PRKDC: variants seen among roughly 807,000 people sequenced by gnomAD.
PRKDC encodes the protein protein kinase, DNA-activated, catalytic subunit.
Under a neutral mutation model 486.9 loss-of-function variants are expected in PRKDC, and 82 were observed. That is an observed-to-expected ratio of 0.17 (90% CI 0.14 to 0.20). The LOEUF is 0.20. Ranked by LOEUF, PRKDC falls within the 10% of genes least tolerant of loss-of-function variation. PRKDC has a pLI of 1.00. For missense variants in PRKDC, 4,504 were observed against 5,038.2 expected, an observed-to-expected ratio of 0.89 and a Z score of 3.21; for synonymous variants, 1,895 against 1,837.0, an observed-to-expected ratio of 1.03 and a Z score of -0.81.
At position 47,849,174 on chromosome 8, in the gene PRKDC, G is replaced by A. The variant is rs764299256; in HGVS notation, c.7260C>T (p.Phe2420=). 8 of 1,613,994 alleles carry A rather than the reference G, an allele frequency of 5.0e-6. No individual in the cohort carries two copies. The highest frequency in any genetic ancestry group is 1.3e-5 in the African/African-American group (1 of 75,050). The change falls in exon 54 of 86, where the codon TTC becomes TTT. Residue 2420 remains phenylalanine (F), a synonymous_variant. Transcript: ENST00000314191. ...ELYFQLKSKD[F]VQVMRHRDDE... ...CTCACCTATGTCTCATGACTTGAAC[G>A]AAGTCCTTGCTCTTTAACTGGAAGT...
intron 85 of PRKDC, among the ~76,000 whole-genome samples, chr8:47,775,165 T>TGACA (rs1287263134): frequency 6.6e-6 from 1 of 151,366 alleles, no homozygotes; most frequent in Non-Finnish European, 1.5e-5. Flanking sequence ...CCAGCCTGGG[T>TGACA]GACAGAGCAA....
At chr8:47,875,790 T>G (rs1199278280) in intron 40 of PRKDC, among the ~76,000 whole-genome samples, 1 of 152,238 alleles carries the variant, frequency 6.6e-6, no homozygotes, top group African/African-American at 2.4e-5. Context: ...TTTCAATCTT[T>G]TAAAATTTAT....
chr8:47,780,234 T>C (rs1002813785), intron 80 of PRKDC, among the ~76,000 whole-genome samples: 5 of 152,194 alleles, frequency 3.3e-5, no homozygotes, highest in African/African-American at 4.8e-5. Context: ...TCTTTCTTTA[T>C]ATTTCCAATA....
chr8:47,914,684 C>A (rs1320849804), intron 23 of PRKDC, among the ~76,000 whole-genome samples: 1 of 151,932 alleles, frequency 6.6e-6, no homozygotes, highest in East Asian at 1.9e-4. Flanking sequence ...GTCTGTAATC[C>A]CAGCTATTCA....
rs376188635 is a variant in PRKDC, at chr8:47,879,619, T to C, written c.5107A>G (p.Thr1703Ala). ...CTAAGTTCCTCCAGACTGCCTCCAG[T>C]GAGGCTGGTGAAGAATGGAAGAAGA... ...VTLLPFFTSL[T>A]GGSLEELRRV... The change falls in exon 39 of 86, where the codon ACT (threonine) becomes GCT (alanine). Residue 1703 changes from threonine to alanine, a missense_variant. Coordinates refer to ENST00000314191, the MANE Select transcript of PRKDC (RefSeq NM_006904.7). 5.0e-5 allele frequency: 80 copies of C among 1,588,488 alleles called. No individual in the cohort carries two copies. The highest frequency in any genetic ancestry group is 1.1e-4 in the Admixed American group (6 of 55,596).
At chr8:47,853,823 T>C (rs2088471978) in intron 51 of PRKDC, among the ~76,000 whole-genome samples, 1 of 152,234 alleles carries the variant, frequency 6.6e-6, no homozygotes, top group Non-Finnish European at 1.5e-5. Flanking sequence ...TCTTCCTAAA[T>C]TTAGGCAGAC....
At position 47,774,063 on chromosome 8, in the gene PRKDC, ACATTTCT is replaced by A. The variant is rs1456089305; in HGVS notation, c.*103_*109del. The A allele has an allele frequency of 7.3e-5, 82 of 1,119,720 alleles. No homozygotes were observed. In the Admixed American group the frequency reaches 2.2e-3, roughly 31 times the overall value. 69.4% of individuals were successfully genotyped at this position (1,119,720 alleles called of 1,614,324 possible). A position where few individuals can be genotyped will look rare whatever the true frequency, so the allele number is the denominator to read the frequency against. ...ATGCTACGAAACTGTAGCACAAAAG[ACATTTCT>A]CTTTAGTGTTTCAGGAAAATCAGCT... is the stretch of plus-strand genomic sequence containing the variant. On this transcript the variant is annotated 3_prime_UTR_variant, in exon 86 of 86. Coordinates refer to ENST00000314191, the MANE Select transcript of PRKDC (RefSeq NM_006904.7).
intron 54 of PRKDC, among the ~76,000 whole-genome samples, chr8:47,848,715 G>A (rs1048075138): frequency 4.0e-5 from 6 of 151,432 alleles, no homozygotes; most frequent in Admixed American, 3.9e-4. Context: ...CAGGGACAGG[G>A]AAATAATATA....
intron 61 of PRKDC, among the ~76,000 whole-genome samples, chr8:47,829,522 T>A (rs1360715706): frequency 6.6e-6 from 1 of 152,200 alleles, no homozygotes. Flanking sequence ...ATTACTTTGA[T>A]AAAAGCTATG....
chr8:47,796,321 A>G (rs1387063247), intron 73 of PRKDC, among the ~76,000 whole-genome samples: 1 of 152,046 alleles, frequency 6.6e-6, no homozygotes, highest in Non-Finnish European at 1.5e-5. Flanking sequence ...CCTGGGTGAC[A>G]GCGAGACTCC....
In PRKDC at chr8:47,837,311, A is replaced by G. The variant is rs1412899348; in HGVS notation, c.7662T>C (p.Phe2554=). 1 of 1,613,582 alleles carries G rather than the reference A, an allele frequency of 6.2e-7. No individual in the cohort carries two copies. Among genetic ancestry groups the G allele is most frequent in the East Asian group, 2.2e-5 (1 of 44,880 alleles). Residue 2554 remains phenylalanine, a synonymous_variant, in exon 57 of 86, where the codon TTT becomes TTC. Coordinates refer to ENST00000314191, the MANE Select transcript of PRKDC (RefSeq NM_006904.7). The part of the protein sequence containing the change: ...SLYSPKIEVH[F]LSLATNFLLE... ...GCAGAAAATTTGTTGCTAAACTTAA[A>G]AAGTGCACTTCTATCTTAGGAGAAT... is the stretch of plus-strand genomic sequence containing the variant.
rs139652896 is a variant in PRKDC at position 47,913,400 on chromosome 8, C to T, written c.2781+501G>A. ...TTTGGTATATTAACGTTTTGAAAGG[C>T]AATTTTTTTTTTTTGAGACGGAGTC... On this transcript the variant is annotated intron_variant, in intron 24 of 85. Transcript: ENST00000314191. Among the ~76,000 whole-genome samples the T allele has an allele frequency of 2.6e-5, 4 of 152,060 alleles. No homozygotes were observed. In the East Asian group the frequency reaches 7.7e-4, roughly 29 times the overall value.
intron 69 of PRKDC, among the ~76,000 whole-genome samples, chr8:47,804,174 T>C (rs528755942): frequency 1.5e-4 from 23 of 152,308 alleles, no homozygotes; most frequent in African/African-American, 5.5e-4. Context: ...AAATAAGTGG[T>C]GATTTTGTGT....
At chr8:47,854,930 C>T (rs183489239) in intron 50 of PRKDC, among the ~76,000 whole-genome samples, 27 of 152,214 alleles carry the variant, frequency 1.8e-4, no homozygotes, top group Admixed American at 1.5e-3. Context: ...AGGAATTACG[C>T]ACAAATCCTA....
chr8:47,900,292 G>A, intron 28 of PRKDC, 81 bp downstream of exon 28: 3 of 975,112 alleles, frequency 3.1e-6, no homozygotes, highest in Non-Finnish European at 4.2e-6. Flanking sequence ...AACCTTATAA[G>A]AGAATCACAC....
intron 10 of PRKDC, 77 bp from the exon 11 acceptor site, chr8:47,939,774 CTGTT>C: frequency 8.2e-7 from 1 of 1,216,892 alleles, no homozygotes; most frequent in Admixed American, 2.7e-5. Context: ...AAAACTAGAA[CTGTT>C]TAGATGCTAC....
In PRKDC at chr8:47,828,087, C is replaced by T. The variant is rs1398756614; in HGVS notation, c.8577+81G>A. On this transcript the variant is annotated intron_variant, in intron 62 of 85. Transcript: ENST00000314191. Reference sequence around the variant, plus strand: ...CACCAGGTTATCAAGAGTCTCAACACGGGAAACATAGTGATGATGGAAAGG... The same window carrying T: ...CACCAGGTTATCAAGAGTCTCAACATGGGAAACATAGTGATGATGGAAAGG... 17 of 1,375,786 alleles carry T rather than the reference C, an allele frequency of 1.2e-5. No homozygotes were observed. The East Asian group carries it at 2.1e-4, about 17-fold the overall frequency. 85.2% of individuals were successfully genotyped at this position (1,375,786 alleles called of 1,614,324 possible).
rs1323438120 is a variant in PRKDC, at chr8:47,879,636, GGAA to G, written c.5087_5089del (p.Leu1696del). ...GCCTCCAGTGAGGCTGGTGAAGAAT[GGAA>G]GAAGAGTGACAGCTTGGCCCTGTGG... On this transcript the variant is annotated inframe_deletion, in exon 39 of 86. Transcript: ENST00000314191. 3 of 1,583,390 alleles carry G rather than the reference GGAA, an allele frequency of 1.9e-6. No homozygotes were observed. Among genetic ancestry groups the G allele is most frequent in the Non-Finnish European group, 2.6e-6 (3 of 1,167,436 alleles).
chr8:47,901,757 T>C (rs1188676882), intron 27 of PRKDC, among the ~76,000 whole-genome samples: 1 of 152,226 alleles, frequency 6.6e-6, no homozygotes, highest in African/African-American at 2.4e-5. Context: ...TCATTTTTTT[T>C]TTCTTCATCT....
Sources: gnomAD v4.1 joint callset for allele counts (sites outside exome capture counted in the v4.1 genomes callset) on GRCh38, gnomAD v4.1.1 for gene constraint, MANE v1.5 for transcripts, NCBI Gene and HGNC (gene_info 2026-07-23, HGNC 2026-07-21) for gene names.